The following TM7SF3 variants were observed in gnomAD, a reference collection of about 807,000 sequenced individuals.
TM7SF3 encodes seven span transmembrane protein.
In TM7SF3, 60 loss-of-function variants were observed where a neutral mutation model predicts 65.5. The ratio of observed to expected loss-of-function variants is 0.92; its 90% CI spans 0.74 to 1.14. The LOEUF (loss-of-function observed/expected upper bound fraction) is 1.14, where lower values mean the gene tolerates loss of function less well. Ranked by LOEUF, TM7SF3 falls within the 50% of genes most tolerant of loss-of-function variation. The probability of loss-of-function intolerance (pLI) is 0.00; values close to 1 mark genes in which losing one functional copy is unlikely to be tolerated. For synonymous variants in TM7SF3, 264 were observed against 259.6 expected, an observed-to-expected ratio of 1.02 and a Z score of -0.16; for missense variants, 623 against 684.8, an observed-to-expected ratio of 0.91 and a Z score of 1.01.
chr12:26,993,548 G>T (rs1033170520), intron 5 of TM7SF3, among the ~76,000 whole-genome samples: 2 of 152,164 alleles, frequency 1.3e-5, no homozygotes, highest in African/African-American at 4.8e-5. Flanking sequence ...AGTGAAACTA[G>T]CTTTGCCCAC....
rs369776403 is a variant in TM7SF3, at chr12:26,999,673, G to C, written c.250C>G (p.Leu84Val). The C allele has an allele frequency of 5.0e-6, 8 of 1,614,044 alleles. No individual in the cohort carries two copies. Among genetic ancestry groups the C allele is most frequent in the Middle Eastern group, 1.6e-4 (1 of 6,062 alleles). The change falls in exon 3 of 12, where the codon CTC (leucine) becomes GTC (valine). Residue 84 changes from leucine to valine, a missense_variant. Leu to Val is a conservative substitution (Grantham distance 32, BLOSUM62 1). Coordinates refer to ENST00000343028, the MANE Select transcript of TM7SF3 (RefSeq NM_016551.3). ...CCTGTTTCCGAGGAATTGGAAAGGA[G>C]AGTCTGCAGTCCAGAAGAAACATTG... ...QNTTVSFSPTLLSNSSETGTA... is the reference protein window; with the variant it reads ...QNTTVSFSPTVLSNSSETGTA...
intron 1 of TM7SF3, among the ~76,000 whole-genome samples, chr12:27,010,868 A>T (rs1255029909): frequency 6.6e-6 from 1 of 152,160 alleles, no homozygotes; most frequent in Admixed American, 6.5e-5. Flanking sequence ...GAGCTGCCCA[A>T]TCCTAATACT....
At position 27,014,164 on chromosome 12, in the gene TM7SF3, C is replaced by G. The variant is rs1185629053; in HGVS notation, c.5G>C (p.Gly2Ala). The part of the protein sequence containing the change: M[G>A]FLQLLVVAVL... Reference sequence around the variant, plus strand: ...CGCTACGACCAGCAGCTGCAGGAACCCCATTGCTGCCTGGGCCGGGCTGGG... The same window carrying G: ...CGCTACGACCAGCAGCTGCAGGAACGCCATTGCTGCCTGGGCCGGGCTGGG... The change falls in exon 1 of 12, where the codon GGG (glycine) becomes GCG (alanine). Residue 2 changes from glycine (G) to alanine (A), a missense_variant. By Grantham distance (60) the Gly-to-Ala change is moderately conservative. Coordinates refer to ENST00000343028, the MANE Select transcript of TM7SF3 (RefSeq NM_016551.3). The G allele has an allele frequency of 1.3e-6, 2 of 1,557,940 alleles. No individual in the cohort carries two copies. Among genetic ancestry groups the G allele is most frequent in the Non-Finnish European group, 1.7e-6 (2 of 1,150,710 alleles).
At chr12:26,980,510 A>T (rs1411708812) in intron 8 of TM7SF3, 56 bp downstream of exon 8, 1 of 909,244 alleles carries the variant, frequency 1.1e-6, no homozygotes, top group African/African-American at 1.7e-5. Context: ...AAGGTGAAGT[A>T]AAACACAGCA....
chr12:26,999,841 C>T, intron 2 of TM7SF3, 165 bp from the exon 3 acceptor site: 1 of 625,778 alleles, frequency 1.6e-6, no homozygotes, highest in Non-Finnish European at 2.7e-6. Context: ...TGTTCACATG[C>T]CCACACATAT....
intron 1 of TM7SF3, among the ~76,000 whole-genome samples, chr12:27,004,261 G>C (rs534076590): frequency 6.6e-6 from 1 of 151,888 alleles, no homozygotes. Context: ...ACTCCTGTGC[G>C]GTCCTGGATT....
intron 5 of TM7SF3, among the ~76,000 whole-genome samples, chr12:26,993,361 A>C (rs982728798): frequency 6.6e-6 from 1 of 152,214 alleles, no homozygotes; most frequent in African/African-American, 2.4e-5. Flanking sequence ...CAGTATTCTC[A>C]TAAAGTATTC....
chr12:27,013,936 C>T, intron 1 of TM7SF3, 142 bp downstream of exon 1: 1 of 734,702 alleles, frequency 1.4e-6, no homozygotes, highest in Non-Finnish European at 2.5e-6. Context: ...CCATTCGTGC[C>T]GGTTCTGGAC....
At chr12:26,986,857 T>C (rs1814714915) in intron 6 of TM7SF3, among the ~76,000 whole-genome samples, 1 of 152,198 alleles carries the variant, frequency 6.6e-6, no homozygotes, top group African/African-American at 2.4e-5. Flanking sequence ...TTCAGTCTCT[T>C]TCTTAGCTGA....
chr12:26,974,288 T>C, intron 11 of TM7SF3, 61 bp from the exon 12 acceptor site: 1 of 1,525,206 alleles, frequency 6.6e-7, no homozygotes, highest in Non-Finnish European at 8.9e-7. Context: ...AACATAATAA[T>C]ACAACCCTTC....
At chr12:27,014,011 G>T in intron 1 of TM7SF3, 67 bp downstream of exon 1, 2 of 1,368,894 alleles carry the variant, frequency 1.5e-6, no homozygotes, top group Non-Finnish European at 2.0e-6. Flanking sequence ...GACCCCTGGC[G>T]GATTTTGACC....
intron 2 of TM7SF3, among the ~76,000 whole-genome samples, chr12:27,000,669 C>T (rs2136436241): frequency 6.6e-6 from 1 of 152,256 alleles, no homozygotes; most frequent in African/African-American, 2.4e-5. Context: ...CCATGTTAGC[C>T]AGGATGGTCT....
chr12:26,998,963 A>G (rs756066916), intron 3 of TM7SF3, among the ~76,000 whole-genome samples: 3 of 152,224 alleles, frequency 2.0e-5, no homozygotes, highest in Non-Finnish European at 4.4e-5. Context: ...TAGAACAACT[A>G]AACTGTTAAG....
At chr12:26,983,556 G>A (rs1214255228) in intron 6 of TM7SF3, 1 of 454,924 alleles carries the variant, frequency 2.2e-6, no homozygotes, top group Non-Finnish European at 4.4e-6. Context: ...TGATAAAGGA[G>A]GGTGATGAGG....
intron 1 of TM7SF3, among the ~76,000 whole-genome samples, chr12:27,011,861 GA>G (rs1941256012): frequency 6.6e-6 from 1 of 152,062 alleles, no homozygotes; most frequent in Admixed American, 6.5e-5. Flanking sequence ...AGCAGTGTCT[GA>G]AAAAAATTAA....
At chr12:26,996,502 C>G (rs1565881061) in intron 4 of TM7SF3, among the ~76,000 whole-genome samples, 1 of 152,152 alleles carries the variant, frequency 6.6e-6, no homozygotes, top group East Asian at 1.9e-4. Context: ...TTTTCAAGCT[C>G]ATAATAGACT....
At chr12:26,992,250 C>A (rs993785181) in intron 5 of TM7SF3, among the ~76,000 whole-genome samples, 19 of 152,112 alleles carry the variant, frequency 1.2e-4, no homozygotes, top group African/African-American at 4.3e-4. Flanking sequence ...AATCATCTAA[C>A]ACAAAGGCTA....
In TM7SF3 at chr12:26,973,899, G is replaced by A; in HGVS notation, c.*66C>T. On this transcript the variant is annotated 3_prime_UTR_variant, in exon 12 of 12. Coordinates refer to ENST00000343028, the MANE Select transcript of TM7SF3 (RefSeq NM_016551.3). ...CTGATCTCTTATTAGACTTGCACCAGAGACTGTTGAACCACTCCAGGCATG... is the reference window on the plus strand; with the variant it reads ...CTGATCTCTTATTAGACTTGCACCAAAGACTGTTGAACCACTCCAGGCATG... 11 of 1,562,328 alleles carry A rather than the reference G, an allele frequency of 7.0e-6. No homozygotes were observed. The highest frequency in any genetic ancestry group is 9.5e-6 in the Non-Finnish European group (11 of 1,158,492).
intron 1 of TM7SF3, among the ~76,000 whole-genome samples, chr12:27,009,414 T>G (rs1442576448): frequency 6.6e-6 from 1 of 152,242 alleles, no homozygotes; most frequent in Non-Finnish European, 1.5e-5. Context: ...ATTCCTCTAT[T>G]TCTTTAGTTT....
Sources: allele counts gnomAD v4.1 joint callset (sites outside exome capture counted in the v4.1 genomes callset), GRCh38; gene constraint gnomAD v4.1.1; transcripts MANE v1.5; gene names NCBI Gene and HGNC (gene_info 2026-07-23, HGNC 2026-07-21).